Variants in BICD1 observed in about 807,000 individuals in gnomAD.
BICD1 encodes the protein BICD cargo adaptor 1.
Under a neutral mutation model 92.5 loss-of-function variants are expected in BICD1, and 35 were observed. The observed-to-expected ratio is 0.38, with a 90% CI of 0.29 to 0.50. The LOEUF (loss-of-function observed/expected upper bound fraction) is 0.50. BICD1 is among the 20% of genes least tolerant of loss of function. BICD1 has a pLI of 0.93. For synonymous variants in BICD1, 429 were observed against 465.1 expected (o/e 0.92, Z 1.00); for missense variants, 950 against 1,189.8 (o/e 0.80, Z 2.97).
At chr12:32,310,896 GTATACCTAGTCCA>G (rs1370943820) in intron 4 of BICD1, among the ~76,000 whole-genome samples, 4 of 152,154 alleles carry the variant, frequency 2.6e-5, no homozygotes, top group Admixed American at 2.6e-4. Context: ...TTTGAAAACA[GTATACCTAGTCCA>G]TATACCCTTT....
intron 1 of BICD1, among the ~76,000 whole-genome samples, chr12:32,208,954 C>T (rs1945138138): frequency 2.0e-5 from 3 of 152,054 alleles, no homozygotes; most frequent in Admixed American, 1.3e-4. Context: ...CCTGCCTCAG[C>T]CTTCAGAGTA....
At position 32,262,167 on chromosome 12, in the gene BICD1, C is replaced by T. The variant is rs947652495; in HGVS notation, c.427-31827C>T. Among the ~76,000 whole-genome samples the T allele has an allele frequency of 2.0e-5, 3 of 152,194 alleles. 1 individual carries two copies. The highest frequency in any genetic ancestry group is 1.3e-4 in the Admixed American group (2 of 15,282). On this transcript the variant is annotated intron_variant, in intron 2 of 9. Transcript: ENST00000652176. ...GCAAATGCAGCTCATTACCAGAATC[C>T]GTGAGCACTGTCTTCAAACCCTCCC...
At chr12:32,291,710 C>T (rs1947731581) in intron 2 of BICD1, among the ~76,000 whole-genome samples, 1 of 151,790 alleles carries the variant, frequency 6.6e-6, no homozygotes, top group Non-Finnish European at 1.5e-5. Flanking sequence ...TGCTGGTGTA[C>T]ACCTGTAGTC....
chr12:32,133,784 CTTT>C (rs34183365), intron 1 of BICD1, among the ~76,000 whole-genome samples: 2 of 140,084 alleles, frequency 1.4e-5, no homozygotes, highest in African/African-American at 2.6e-5. Context: ...GATGCCAGTT[CTTT>C]TTTTTTTTTT....
intron 4 of BICD1, among the ~76,000 whole-genome samples, chr12:32,310,017 A>C (rs1009744449): frequency 8.5e-5 from 13 of 152,120 alleles, no homozygotes; most frequent in Non-Finnish European, 1.8e-4. Flanking sequence ...TGTGCCTCTA[A>C]TCCAACAGCT....
chr12:32,331,861 G>A (rs1937888218), intron 5 of BICD1, among the ~76,000 whole-genome samples: 1 of 152,066 alleles, frequency 6.6e-6, no homozygotes, highest in East Asian at 1.9e-4. Flanking sequence ...ATGATGTTGG[G>A]GCTGTTGCTG....
Position 32,328,633 on chromosome 12 carries a change from G to T in BICD1, c.2100+78G>T. 1.3e-6 allele frequency: 2 copies of T among 1,518,268 alleles called. No individual in the cohort carries two copies. Among genetic ancestry groups the T allele is most frequent in the African/African-American group, 1.4e-5 (1 of 72,184 alleles). 94.0% of individuals were successfully genotyped at this position (1,518,268 alleles called of 1,614,324 possible). On this transcript the variant is annotated intron_variant, in intron 5 of 9. Coordinates refer to ENST00000652176, the MANE Select transcript of BICD1 (RefSeq NM_001714.4). The surrounding 1 kb of genome is among the most constrained non-coding windows in gnomAD (Gnocchi z 4.4). ...TTATTCCCTAATTTTATTGAGTATC[G>T]AGTATCGTCAAGATGAGAGTTCAGA...
At chr12:32,180,812 A>T (rs560145861) in intron 1 of BICD1, among the ~76,000 whole-genome samples, 1 of 152,068 alleles carries the variant, frequency 6.6e-6, no homozygotes, top group South Asian at 2.1e-4. Flanking sequence ...CCCTGTGATG[A>T]TGTTATTCAT....
chr12:32,301,460 A>C lies in BICD1; in HGVS notation c.580-4237A>C, dbSNP rs149873261. 1.2e-3 allele frequency among the ~76,000 whole-genome samples: 178 copies of C among 152,184 alleles called. No individual in the cohort carries two copies. In the East Asian group the frequency reaches 0.02, roughly 17 times the overall value. ...AAATGACCACAAGCAGCTTATAAAT[A>C]GCATTAAGTACAAGATGTAAACAAA... On this transcript the variant is annotated intron_variant, in intron 3 of 9. Transcript: ENST00000652176.
chr12:32,213,403 T>G (rs1230791761), intron 1 of BICD1, among the ~76,000 whole-genome samples: 1 of 152,110 alleles, frequency 6.6e-6, no homozygotes, highest in Admixed American at 6.6e-5. Flanking sequence ...GTTGTTTTTG[T>G]TTTTGTTTTG....
rs1228174712 is a variant in BICD1 at position 32,253,318 on chromosome 12, TGAG to T, written c.426+36862_426+36864del. 2.6e-5 allele frequency among the ~76,000 whole-genome samples: 4 copies of T among 152,306 alleles called. No individual in the cohort carries two copies. The East Asian group carries it at 7.7e-4, about 29-fold the overall frequency. Reference sequence around the variant, plus strand: ...CTAGTTGCTATGCAAGATGCAGACTTGAGGAAAACCTGGTCCCAGCTTTCAAAA... The same window carrying T: ...CTAGTTGCTATGCAAGATGCAGACTTGAAAACCTGGTCCCAGCTTTCAAAA... On this transcript the variant is annotated intron_variant, in intron 2 of 9. Transcript: ENST00000652176.
chr12:32,370,244 G>C (rs1939682223), intron 9 of BICD1, among the ~76,000 whole-genome samples: 1 of 151,992 alleles, frequency 6.6e-6, no homozygotes, highest in African/African-American at 2.4e-5. Context: ...ATGTGCGCCT[G>C]TAATCTCAGG....
chr12:32,300,675 G>A (rs1260788576), intron 3 of BICD1, among the ~76,000 whole-genome samples: 1 of 113,092 alleles, frequency 8.8e-6, no homozygotes, highest in Non-Finnish European at 1.7e-5. Context: ...ACAGAGTCCA[G>A]CTCTTTTGCC....
At chr12:32,132,857 TAGG>T (rs897438324) in intron 1 of BICD1, among the ~76,000 whole-genome samples, 4 of 152,284 alleles carry the variant, frequency 2.6e-5, no homozygotes, top group Admixed American at 2.6e-4. Flanking sequence ...TGAGCCAAGT[TAGG>T]AGGCTATTGC....
At chr12:32,266,996 T>G (rs894775817) in intron 2 of BICD1, among the ~76,000 whole-genome samples, 5 of 152,252 alleles carry the variant, frequency 3.3e-5, no homozygotes, top group African/African-American at 7.2e-5. Flanking sequence ...ACTTCTGTTA[T>G]GTACTGACAG....
chr12:32,176,213 A>G (rs1944085280), intron 1 of BICD1, among the ~76,000 whole-genome samples: 1 of 152,036 alleles, frequency 6.6e-6, no homozygotes, highest in African/African-American at 2.4e-5. Context: ...CTCTGTGTGG[A>G]CATATGTTTT....
At chr12:32,207,508 G>A (rs887786094) in intron 1 of BICD1, among the ~76,000 whole-genome samples, 3 of 152,180 alleles carry the variant, frequency 2.0e-5, no homozygotes, top group Admixed American at 6.5e-5. Context: ...AAGAATATGT[G>A]ATAGATTTTT....
At chr12:32,234,911 T>C (rs1318966544) in intron 2 of BICD1, among the ~76,000 whole-genome samples, 1 of 152,008 alleles carries the variant, frequency 6.6e-6, no homozygotes, top group East Asian at 1.9e-4. Context: ...TCTCAAACTC[T>C]TGGGCTCAAG....
At chr12:32,128,321 A>T (rs191983326) in intron 1 of BICD1, among the ~76,000 whole-genome samples, 2 of 152,236 alleles carry the variant, frequency 1.3e-5, no homozygotes, top group Non-Finnish European at 2.9e-5. Flanking sequence ...TTGAGGAAGC[A>T]TATGCGTATT....
Sources: allele counts gnomAD v4.1 joint callset (sites outside exome capture counted in the v4.1 genomes callset), GRCh38; gene constraint gnomAD v4.1.1; non-coding constraint Gnocchi (gnomAD v3.1); transcripts MANE v1.5; gene names NCBI Gene and HGNC (gene_info 2026-07-23, HGNC 2026-07-21).